The following SGCG variants were observed in gnomAD, a reference collection of about 807,000 sequenced individuals.
SGCG encodes the protein sarcoglycan gamma.
Under a neutral mutation model 29.3 loss-of-function variants are expected in SGCG, and 26 were observed. The ratio of observed to expected loss-of-function variants is 0.89; its 90% CI spans 0.65 to 1.23. SGCG has a LOEUF of 1.23. SGCG is among the 50% of genes most tolerant of loss of function. SGCG has a pLI of 0.00. For synonymous variants in SGCG, 145 were observed against 129.7 expected, an observed-to-expected ratio of 1.12 and a Z score of -0.80; for missense variants, 353 against 356.0, an observed-to-expected ratio of 0.99 and a Z score of 0.07.
At chr13:23,178,389 T>C (rs1444062565), upstream of SGCG, among the ~76,000 whole-genome samples, 2 of 152,146 alleles carry the variant, frequency 1.3e-5, no homozygotes, top group Non-Finnish European at 2.9e-5. Context: ...GATGGCATCG[T>C]CAACCGAGGA....
chr13:23,244,000 G>A (rs1019808601), intron 3 of SGCG: 3 of 151,958 alleles, frequency 2.0e-5, no homozygotes, highest in Admixed American at 6.6e-5. Context: ...CCTAGATAGA[G>A]CTCCCAAGGG....
At chr13:23,263,630 G>A (rs1880529597) in intron 4 of SGCG, among the ~76,000 whole-genome samples, 1 of 151,906 alleles carries the variant, frequency 6.6e-6, no homozygotes, top group African/African-American at 2.4e-5. Flanking sequence ...GAAAATATTA[G>A]TAAATGAAAA....
chr13:23,219,741 C>A (rs61946661), intron 2 of SGCG, among the ~76,000 whole-genome samples: 9,723 of 107,190 alleles, frequency 0.091, 418 homozygotes, highest in Middle Eastern at 0.17. Context: ...CATAAACATA[C>A]ACAATTATTA....
chr13:23,183,081 A>G (rs1426929138), intron 1 of SGCG, among the ~76,000 whole-genome samples: 1 of 152,226 alleles, frequency 6.6e-6, no homozygotes, highest in Non-Finnish European at 1.5e-5. Context: ...AGTTTAGGCT[A>G]TGGAGCCAGA....
intron 1 of SGCG, among the ~76,000 whole-genome samples, chr13:23,201,081 T>A (rs188450589): frequency 6.6e-6 from 1 of 152,170 alleles, no homozygotes; most frequent in Non-Finnish European, 1.5e-5. Context: ...AAATGGACTG[T>A]AGGAGATTTA....
At chr13:23,235,043 G>C (rs193182767) in intron 3 of SGCG, among the ~76,000 whole-genome samples, 2 of 152,164 alleles carry the variant, frequency 1.3e-5, no homozygotes, top group East Asian at 3.9e-4. Flanking sequence ...ATTTATTTTA[G>C]GGTATTCAAA....
At position 23,305,954 on chromosome 13, in the gene SGCG, C is replaced by T. The variant is rs371683961; in HGVS notation, c.578+10467C>T. Reference sequence around the variant, plus strand: ...GAACACGATCTCAGCTTACTGCAGCCTCCAGCTGCAGGGTTCAAGCGATTC... The same window carrying T: ...GAACACGATCTCAGCTTACTGCAGCTTCCAGCTGCAGGGTTCAAGCGATTC... On this transcript the variant is annotated intron_variant, in intron 6 of 7. Transcript: ENST00000218867. 2.3e-3 allele frequency among the ~76,000 whole-genome samples: 355 copies of T among 152,320 alleles called. 4 individuals are homozygous for T. Among genetic ancestry groups the T allele is most frequent in the African/African-American group, 8.0e-3 (331 of 41,564 alleles).
chr13:23,291,966 A>G (rs753206107), intron 5 of SGCG, among the ~76,000 whole-genome samples: 1 of 152,162 alleles, frequency 6.6e-6, no homozygotes, highest in Non-Finnish European at 1.5e-5. Flanking sequence ...CTGTCACCCT[A>G]AGACCAGTGT....
intron 4 of SGCG, among the ~76,000 whole-genome samples, chr13:23,275,773 C>A (rs1881047370): frequency 6.6e-6 from 1 of 152,166 alleles, no homozygotes; most frequent in East Asian, 1.9e-4. Context: ...CTAACAAGCA[C>A]AGCTTTGTGC....
intron 4 of SGCG, among the ~76,000 whole-genome samples, chr13:23,253,324 G>C (rs1283958557): frequency 6.6e-6 from 1 of 152,154 alleles, no homozygotes; most frequent in Non-Finnish European, 1.5e-5. Flanking sequence ...TTTTAACCTT[G>C]GTGTCTCATG....
chr13:23,197,081 C>G (rs1877544227), intron 1 of SGCG, among the ~76,000 whole-genome samples: 3 of 152,118 alleles, frequency 2.0e-5, no homozygotes, highest in Non-Finnish European at 4.4e-5. Context: ...GGGCTTGTTT[C>G]TAGACTCTCC....
At chr13:23,323,107 G>GT (rs1290428768) in intron 7 of SGCG, among the ~76,000 whole-genome samples, 1 of 152,162 alleles carries the variant, frequency 6.6e-6, no homozygotes, top group African/African-American at 2.4e-5. Context: ...ACCAGAGTGT[G>GT]TGGGCAGGAC....
chr13:23,210,905 C>T (rs1878174147), intron 2 of SGCG, among the ~76,000 whole-genome samples: 1 of 151,020 alleles, frequency 6.6e-6, no homozygotes, highest in South Asian at 2.1e-4. Context: ...AGTACACAGA[C>T]TTGTTGTCCT....
rs908723173 is a variant in SGCG at position 23,187,239 on chromosome 13, C to T, written c.-1+6164C>T. Among the ~76,000 whole-genome samples the T allele has an allele frequency of 2.6e-5, 4 of 152,292 alleles. No individual in the cohort carries two copies. The East Asian group carries it at 5.8e-4, about 22-fold the overall frequency. Reference sequence around the variant, plus strand: ...CACTCTCGCTATGGTGCCCCTTCTACAGTGGACGGCTTGGAGGCTGTTAAC... The same window carrying T: ...CACTCTCGCTATGGTGCCCCTTCTATAGTGGACGGCTTGGAGGCTGTTAAC... On this transcript the variant is annotated intron_variant, in intron 1 of 7. Coordinates refer to ENST00000218867, the MANE Select transcript of SGCG (RefSeq NM_000231.3).
intron 6 of SGCG, among the ~76,000 whole-genome samples, chr13:23,298,441 T>C (rs1881994838): frequency 6.6e-6 from 1 of 152,202 alleles, no homozygotes. Flanking sequence ...GCATTTTTTA[T>C]ATATTTAATG....
At chr13:23,209,254 G>T (rs1878104609) in intron 2 of SGCG, among the ~76,000 whole-genome samples, 1 of 152,126 alleles carries the variant, frequency 6.6e-6, no homozygotes, top group South Asian at 2.1e-4. Flanking sequence ...AGGAGGTCAG[G>T]AAACCCTGGT....
chr13:23,254,447 A>G (rs928798856), intron 4 of SGCG, among the ~76,000 whole-genome samples: 1 of 152,196 alleles, frequency 6.6e-6, no homozygotes, highest in Admixed American at 6.5e-5. Context: ...TAAGCAGCAA[A>G]GTATTCAAGA....
At chr13:23,293,584 C>T (rs1881796637) in intron 5 of SGCG, among the ~76,000 whole-genome samples, 2 of 152,168 alleles carry the variant, frequency 1.3e-5, no homozygotes, top group Non-Finnish European at 2.9e-5. Flanking sequence ...AATCCCAGCA[C>T]TTTAGGAAGG....
intron 2 of SGCG, among the ~76,000 whole-genome samples, chr13:23,228,563 A>G (rs1441754813): frequency 6.6e-6 from 1 of 152,120 alleles, no homozygotes; most frequent in Non-Finnish European, 1.5e-5. Context: ...GGTACTAAGC[A>G]CAGTACCTGA....
Sources: gnomAD v4.1 joint callset for allele counts (sites outside exome capture counted in the v4.1 genomes callset) on GRCh38, gnomAD v4.1.1 for gene constraint, MANE v1.5 for transcripts, NCBI Gene and HGNC (gene_info 2026-07-23, HGNC 2026-07-21) for gene names.